Variants in PRTG observed in about 807,000 individuals in gnomAD.
PRTG encodes the protein protogenin.
Under a neutral mutation model 122.5 loss-of-function variants are expected in PRTG, and 67 were observed. The ratio of observed to expected loss-of-function variants is 0.55; its 90% CI spans 0.45 to 0.67. The LOEUF (loss-of-function observed/expected upper bound fraction) is 0.67, where lower values mean the gene tolerates loss of function less well. Ranked by LOEUF, PRTG falls within the 30% of genes least tolerant of loss-of-function variation. The pLI is 0.00. For synonymous variants in PRTG, 554 were observed against 501.1 expected (o/e 1.11, Z -1.41); for missense variants, 1,435 against 1,415.4 (o/e 1.01, Z -0.22).
intron 11 of PRTG, among the ~76,000 whole-genome samples, chr15:55,671,259 C>T (rs1355645369): frequency 6.6e-6 from 1 of 152,152 alleles, no homozygotes; most frequent in Non-Finnish European, 1.5e-5. Context: ...AGCCTTTTAC[C>T]TCCCCTCACC....
At chr15:55,651,049 G>A (rs1339137347) in intron 11 of PRTG, among the ~76,000 whole-genome samples, 1 of 152,142 alleles carries the variant, frequency 6.6e-6, no homozygotes, top group African/African-American at 2.4e-5. Flanking sequence ...CTTGGCAGAG[G>A]GTTGTCCTTC....
At position 55,710,638 on chromosome 15, in the gene PRTG, T is replaced by C. The variant is rs372721529; in HGVS notation, c.398-26707A>G. On this transcript the variant is annotated intron_variant, in intron 2 of 19. Transcript: ENST00000389286. ...GATATTCACTACAGGAATGTTCATA[T>C]ACTTTTGTCTTTAAGTCATTCTTCT... 1.4e-4 allele frequency among the ~76,000 whole-genome samples: 22 copies of C among 152,370 alleles called. No homozygotes were observed. The South Asian group carries it at 4.3e-3, about 30-fold the overall frequency.
intron 10 of PRTG, 27 bp from the exon 11 acceptor site, chr15:55,672,660 G>A: frequency 6.4e-7 from 1 of 1,565,772 alleles, no homozygotes; most frequent in South Asian, 1.2e-5. Context: ...GAAAATGTAT[G>A]TATAAACAAC....
At chr15:55,738,050 A>ACACC (rs1380705169) in intron 2 of PRTG, among the ~76,000 whole-genome samples, 39 of 111,134 alleles carry the variant, frequency 3.5e-4, no homozygotes, top group African/African-American at 1.3e-3. Flanking sequence ...ACACACACAC[A>ACACC]CCACACACAC....
At chr15:55,654,566 C>CAAAAACA (rs1298316854) in intron 11 of PRTG, among the ~76,000 whole-genome samples, 1 of 152,160 alleles carries the variant, frequency 6.6e-6, no homozygotes, top group Non-Finnish European at 1.5e-5. Context: ...ACATTTCTAT[C>CAAAAACA]AAAAACAATT....
At chr15:55,737,979 TC>T (rs2031467606) in intron 2 of PRTG, among the ~76,000 whole-genome samples, 23 of 50,212 alleles carry the variant, frequency 4.6e-4, no homozygotes, top group Non-Finnish European at 8.6e-4. Context: ...ATGCCTATTC[TC>T]TCTCTCTCTC....
chr15:55,633,889 A>C (rs1176212288), intron 15 of PRTG, among the ~76,000 whole-genome samples: 1 of 152,196 alleles, frequency 6.6e-6, no homozygotes, highest in African/African-American at 2.4e-5. Context: ...AACTAAGAGA[A>C]TATTTTTCCT....
intron 15 of PRTG, among the ~76,000 whole-genome samples, chr15:55,636,293 G>C (rs139136965): frequency 1.4e-4 from 22 of 151,786 alleles, no homozygotes; most frequent in African/African-American, 5.3e-4. Context: ...ATATTCATAC[G>C]GGTCAATTTT....
intron 2 of PRTG, among the ~76,000 whole-genome samples, chr15:55,685,514 T>C (rs2059565482): frequency 6.6e-6 from 1 of 152,186 alleles, no homozygotes; most frequent in African/African-American, 2.4e-5. Flanking sequence ...CCAGGAGTTA[T>C]GTAATGCATG....
chr15:55,704,515 T>TA (rs2030014909), intron 2 of PRTG, among the ~76,000 whole-genome samples: 1 of 152,240 alleles, frequency 6.6e-6, no homozygotes, highest in African/African-American at 2.4e-5. Flanking sequence ...ATAAACATTA[T>TA]AGCATTGTTC....
In PRTG at chr15:55,627,097, T is replaced by C; in HGVS notation, c.2838A>G (p.Lys946=). 5 of 1,606,170 alleles carry C rather than the reference T, an allele frequency of 3.1e-6. No homozygotes were observed. The highest frequency in any genetic ancestry group is 2.7e-5 in the African/African-American group (2 of 74,824). ...VYSGYYHLDQ[K]SMTGIAVGVG... ...CACCTACAGCAATGCCAGTCATTGA[T>C]TTTTGGTCCAGATGGTAATATCCTG... Residue 946 remains lysine, a synonymous_variant, in exon 17 of 20, where the codon AAA becomes AAG. Transcript: ENST00000389286.
chr15:55,720,875 G>A (rs934091387), intron 2 of PRTG, among the ~76,000 whole-genome samples: 8 of 152,028 alleles, frequency 5.3e-5, no homozygotes, highest in Non-Finnish European at 1.2e-4. Context: ...GGCTGTCCTG[G>A]GCTGCATGCG....
intron 11 of PRTG, chr15:55,656,344 T>C (rs1032042792): frequency 4.4e-6 from 2 of 455,862 alleles, no homozygotes; most frequent in Non-Finnish European, 8.8e-6. Context: ...GGTTTCATTA[T>C]TAGATTCGGG....
At chr15:55,717,956 TG>T (rs1365463086) in intron 2 of PRTG, among the ~76,000 whole-genome samples, 3 of 152,318 alleles carry the variant, frequency 2.0e-5, no homozygotes, top group Non-Finnish European at 2.9e-5. Context: ...GACCTCCCTT[TG>T]GAGATCAATC....
chr15:55,742,806 C>A (rs1190431011), intron 1 of PRTG, 32 bp downstream of exon 1: 1 of 1,539,966 alleles, frequency 6.5e-7, no homozygotes, highest in African/African-American at 1.4e-5. Context: ...CGCCCCACAG[C>A]GGTAAGAGAA....
chr15:55,685,771 ATTTGAGT>A (rs557560910), intron 2 of PRTG, among the ~76,000 whole-genome samples: 22 of 152,342 alleles, frequency 1.4e-4, no homozygotes, highest in African/African-American at 4.3e-4. Flanking sequence ...AATAAAAGTT[ATTTGAGT>A]TTTAAGAGTA....
chr15:55,702,556 A>C (rs1192690788), intron 2 of PRTG, among the ~76,000 whole-genome samples: 1 of 152,208 alleles, frequency 6.6e-6, no homozygotes, highest in Non-Finnish European at 1.5e-5. Context: ...AAGAACCATA[A>C]GATGCTGAAA....
Position 55,615,578 on chromosome 15 carries a change from C to A in PRTG, c.*4434G>T. ...GGTTGTATATGGTAGTCTCCAGAACCTGCTACTCAGTGCTCACAAACTGCA... is the reference window on the plus strand; with the variant it reads ...GGTTGTATATGGTAGTCTCCAGAACATGCTACTCAGTGCTCACAAACTGCA... On this transcript the variant is annotated 3_prime_UTR_variant, in exon 20 of 20. Coordinates refer to ENST00000389286, the MANE Select transcript of PRTG (RefSeq NM_173814.6). 6.6e-6 allele frequency: 1 copy of A among 152,122 alleles called. No homozygotes were observed. Among genetic ancestry groups the A allele is most frequent in the East Asian group, 1.9e-4 (1 of 5,190 alleles). 9.4% of individuals were successfully genotyped at this position (152,122 alleles called of 1,614,324 possible).
At chr15:55,665,215 G>A (rs1221594874) in intron 11 of PRTG, among the ~76,000 whole-genome samples, 8 of 152,040 alleles carry the variant, frequency 5.3e-5, no homozygotes, top group South Asian at 2.1e-4. Context: ...AGCCGAGATC[G>A]CGCCCCTGCA....
Sources: allele counts gnomAD v4.1 joint callset (sites outside exome capture counted in the v4.1 genomes callset), GRCh38; gene constraint gnomAD v4.1.1; transcripts MANE v1.5; gene names NCBI Gene and HGNC (gene_info 2026-07-23, HGNC 2026-07-21).